The following CHD1L variants were observed in gnomAD, a reference collection of about 807,000 sequenced individuals.
CHD1L encodes chromodomain helicase DNA binding protein 1 like, also known as ATP-dependent chromatin remodeler CHD1L.
In CHD1L, 118 loss-of-function variants were observed where a neutral mutation model predicts 115.9. The observed-to-expected ratio is 1.02, with a 90% CI of 0.88 to 1.19. CHD1L has a LOEUF of 1.19. CHD1L is among the 50% of genes most tolerant of loss of function. CHD1L has a pLI of 0.00. For missense variants in CHD1L, 1,179 were observed against 1,065.3 expected, an observed-to-expected ratio of 1.11 and a Z score of -1.49; for synonymous variants, 411 against 387.1, an observed-to-expected ratio of 1.06 and a Z score of -0.72.
chr1:147,239,831 G>C (rs1342055002), upstream of CHD1L, among the ~76,000 whole-genome samples: 3 of 152,148 alleles, frequency 2.0e-5, no homozygotes, highest in African/African-American at 7.2e-5. Context: ...TATTTAAGTG[G>C]CAAGTGCTTG....
chr1:147,197,757 T>C, the CHD1L span, among the ~76,000 whole-genome samples: 19 of 152,300 alleles, frequency 1.2e-4, no homozygotes, highest in South Asian at 3.9e-3. Flanking sequence ...GGCAGTTCTT[T>C]ATAGCAGCAT....
the CHD1L span, among the ~76,000 whole-genome samples, chr1:147,199,878 A>G: frequency 6.6e-6 from 1 of 152,184 alleles, no homozygotes; most frequent in East Asian, 1.9e-4. Context: ...TAGTGAAAAC[A>G]AAAAAGGTGT....
chr1:147,187,025 C>G, the CHD1L span: 91 of 1,614,174 alleles, frequency 5.6e-5, 1 homozygote, highest in South Asian at 9.2e-4. Flanking sequence ...CTGATGCGAT[C>G]ATCTGTGGTG....
the CHD1L span, chr1:147,208,953 A>G: frequency 4.3e-6 from 7 of 1,613,858 alleles, no homozygotes; most frequent in Non-Finnish European, 5.9e-6. Context: ...TCTTCCATAT[A>G]AAATGTGTAA....
chr1:147,286,797 GACAA>G (rs1278789097), intron 18 of CHD1L, among the ~76,000 whole-genome samples: 13 of 152,124 alleles, frequency 8.5e-5, no homozygotes, highest in South Asian at 6.2e-4. Context: ...ACATTGATAA[GACAA>G]ACAAATCCTT....
At chr1:147,217,046 G>C in the CHD1L span, among the ~76,000 whole-genome samples, 2 of 151,366 alleles carry the variant, frequency 1.3e-5, no homozygotes, top group Non-Finnish European at 2.9e-5. Flanking sequence ...TTCAAGACCA[G>C]CCTGACCAAC....
the CHD1L span, among the ~76,000 whole-genome samples, chr1:147,177,264 G>A: frequency 6.6e-6 from 1 of 152,136 alleles, no homozygotes; most frequent in African/African-American, 2.4e-5. Flanking sequence ...AACTAAAAGA[G>A]CTCCCAATAG....
chr1:147,201,282 G>A, the CHD1L span: 25 of 1,614,032 alleles, frequency 1.5e-5, no homozygotes, highest in Non-Finnish European at 2.1e-5. Flanking sequence ...TTTTATACAG[G>A]GATATCTTGT....
chr1:147,250,846 T>G (rs1470494535), intron 1 of CHD1L, among the ~76,000 whole-genome samples: 1 of 152,108 alleles, frequency 6.6e-6, no homozygotes, highest in Non-Finnish European at 1.5e-5. Flanking sequence ...CAACCACATC[T>G]CACCCTGAAT....
At chr1:147,173,287 G>T in the CHD1L span, 8 of 154,084 alleles carry the variant, frequency 5.2e-5, no homozygotes, top group South Asian at 1.6e-3. Flanking sequence ...GCGACTCAGC[G>T]ATACTCCGTC....
chr1:147,221,016 C>T, the CHD1L span, among the ~76,000 whole-genome samples: 199 of 150,248 alleles, frequency 1.3e-3, no homozygotes, highest in Admixed American at 6.6e-3. Context: ...AGAATGGCAC[C>T]TTATAATATT....
At chr1:147,198,850 C>CAAAAA in the CHD1L span, among the ~76,000 whole-genome samples, 194 of 51,146 alleles carry the variant, frequency 3.8e-3, no homozygotes, top group Middle Eastern at 0.014. Context: ...GACTGCATCT[C>CAAAAA]AAAAAAAAAA....
At chr1:147,290,949 G>A (rs782582263) in intron 19 of CHD1L, among the ~76,000 whole-genome samples, 4 of 152,042 alleles carry the variant, frequency 2.6e-5, no homozygotes, top group Non-Finnish European at 5.9e-5. Flanking sequence ...CACTGTGCTC[G>A]GCCATATATG....
the CHD1L span, among the ~76,000 whole-genome samples, chr1:147,183,775 A>G: frequency 6.6e-6 from 1 of 152,076 alleles, no homozygotes; most frequent in Admixed American, 6.6e-5. Context: ...AAAACTTGGC[A>G]CTCTTAGAAA....
At chr1:147,211,023 A>G in the CHD1L span, 1 of 152,244 alleles carries the variant, frequency 6.6e-6, no homozygotes, top group Non-Finnish European at 1.5e-5. Context: ...AATACAATTT[A>G]CAAGTAAAGT....
chr1:147,204,609 G>T, the CHD1L span: 1 of 1,590,968 alleles, frequency 6.3e-7, no homozygotes, highest in Non-Finnish European at 8.6e-7. Flanking sequence ...GGAGAGCTCC[G>T]GCAAATACCA....
rs1260311857 is a variant in CHD1L, at chr1:147,287,698, C to G, written c.2285C>G (p.Pro762Arg). ...FTALEKRSAEPRKIYELAGKM... is the reference protein window; with the variant it reads ...FTALEKRSAERRKIYELAGKM... The stretch of plus-strand genomic sequence containing the variant: ...GCTCTGGAAAAGCGATCCGCTGAGC[C>G]AAGAAAAATATATGAGCTGGCTGGG... The change falls in exon 19 of 23, where the codon CCA becomes CGA. Residue 762 changes from proline (P) to arginine (R), a missense_variant. By Grantham distance (103) the Pro-to-Arg change is moderately radical. Coordinates refer to ENST00000369258, the MANE Select transcript of CHD1L (RefSeq NM_004284.6). 6.2e-7 allele frequency: 1 copy of G among 1,613,666 alleles called. No homozygotes were observed. The highest frequency in any genetic ancestry group is 8.5e-7 in the Non-Finnish European group (1 of 1,179,956).
chr1:147,221,677 G>A, the CHD1L span, among the ~76,000 whole-genome samples: 6 of 152,164 alleles, frequency 3.9e-5, no homozygotes, highest in East Asian at 1.9e-4. Flanking sequence ...AAAGTTCAAC[G>A]TTTACAAAGA....
chr1:147,285,211 G>T, intron 16 of CHD1L, 113 bp from the exon 17 acceptor site: 2 of 1,195,714 alleles, frequency 1.7e-6, no homozygotes, highest in Non-Finnish European at 2.4e-6. Flanking sequence ...GTGTGGAGAT[G>T]CAGTGTTCTG....
Sources: allele counts gnomAD v4.1 joint callset (sites outside exome capture counted in the v4.1 genomes callset), GRCh38; gene constraint gnomAD v4.1.1; transcripts MANE v1.5; gene names NCBI Gene and HGNC (gene_info 2026-07-23, HGNC 2026-07-21).